Variants in NEK10 observed in about 807,000 individuals in gnomAD.
NEK10 encodes serine/threonine-protein kinase Nek10.
NEK10 carries 122 observed loss-of-function variants against 159.8 expected under a neutral mutation model. That is an observed-to-expected ratio of 0.76 (90% CI 0.66 to 0.89). The LOEUF is 0.89. NEK10 is among the 40% of genes least tolerant of loss of function. The pLI, the probability that NEK10 is intolerant of heterozygous loss-of-function variation, is 0.00. For missense variants in NEK10, 1,342 were observed against 1,323.1 expected (o/e 1.01, Z -0.22); for synonymous variants, 466 against 457.1 (o/e 1.02, Z -0.25).
chr3:27,353,175 G>A (rs145901309), intron 1 of NEK10, among the ~76,000 whole-genome samples: 700 of 152,170 alleles, frequency 4.6e-3, no homozygotes, highest in African/African-American at 0.015. Flanking sequence ...AGAACAATTG[G>A]TTTGCTTTTA....
chr3:27,235,949 C>G (rs757537556), intron 23 of NEK10, among the ~76,000 whole-genome samples: 3 of 152,156 alleles, frequency 2.0e-5, no homozygotes, highest in Non-Finnish European at 2.9e-5. Flanking sequence ...TACATATACA[C>G]CATGGAATAC....
rs2043418422 is a variant in NEK10 at position 27,297,161 on chromosome 3, G to A, written c.1230+18C>T. 6.3e-7 allele frequency: 1 copy of A among 1,580,806 alleles called. No individual in the cohort carries two copies. The highest frequency in any genetic ancestry group is 8.7e-7 in the Non-Finnish European group (1 of 1,149,800). On this transcript the variant is annotated intron_variant, in intron 14 of 35. Coordinates refer to ENST00000691995, the MANE Select transcript of NEK10 (RefSeq NM_001394966.1). ...TGAATGGTTATGGAGACCTGACCTT[G>A]AGAAGGAGTGCTCTCACCTGAACCA...
intron 26 of NEK10, among the ~76,000 whole-genome samples, chr3:27,180,775 C>G (rs1948010227): frequency 6.6e-6 from 1 of 152,026 alleles, no homozygotes; most frequent in Non-Finnish European, 1.5e-5. Context: ...TCACCATTGT[C>G]TTTTGCTTGG....
At chr3:27,228,125 C>T (rs1434087669) in intron 23 of NEK10, among the ~76,000 whole-genome samples, 2 of 152,194 alleles carry the variant, frequency 1.3e-5, no homozygotes, top group East Asian at 3.8e-4. Context: ...TAATCATTAT[C>T]TTGCTACTAA....
intron 13 of NEK10, among the ~76,000 whole-genome samples, chr3:27,298,017 C>T (rs1020284935): frequency 1.3e-5 from 2 of 152,200 alleles, no homozygotes; most frequent in African/African-American, 4.8e-5. Flanking sequence ...ATAAGCAAAA[C>T]TGGAGCTTGG....
chr3:27,257,922 G>C (rs902295656), intron 22 of NEK10, among the ~76,000 whole-genome samples: 1 of 151,508 alleles, frequency 6.6e-6, no homozygotes, highest in African/African-American at 2.4e-5. Context: ...CCAAGTCGCT[G>C]GGACTACAGG....
intron 29 of NEK10, among the ~76,000 whole-genome samples, chr3:27,165,068 C>T (rs557574192): frequency 6.6e-6 from 1 of 152,134 alleles, no homozygotes; most frequent in Non-Finnish European, 1.5e-5. Flanking sequence ...AGAACAATTA[C>T]ACATTCATTC....
chr3:27,158,831 T>C (rs949872111), intron 30 of NEK10, among the ~76,000 whole-genome samples: 4 of 152,212 alleles, frequency 2.6e-5, no homozygotes, highest in African/African-American at 7.2e-5. Context: ...CATAACATTA[T>C]AGTATGTACT....
At chr3:27,181,288 A>G (rs1240833849) in intron 26 of NEK10, among the ~76,000 whole-genome samples, 1 of 152,134 alleles carries the variant, frequency 6.6e-6, no homozygotes, top group East Asian at 1.9e-4. Context: ...CATATGGTAA[A>G]TATAGTTTAT....
intron 22 of NEK10, among the ~76,000 whole-genome samples, chr3:27,261,118 CTTT>C (rs1215118610): frequency 6.6e-6 from 1 of 152,020 alleles, no homozygotes; most frequent in Non-Finnish European, 1.5e-5. Context: ...CTCTTTTCTT[CTTT>C]ATTAGTCTTG....
At chr3:27,359,600 A>T (rs1006099565) in intron 1 of NEK10, among the ~76,000 whole-genome samples, 1 of 152,218 alleles carries the variant, frequency 6.6e-6, no homozygotes, top group African/African-American at 2.4e-5. Flanking sequence ...AAGTAGTTAA[A>T]ATAAGATAAA....
At chr3:27,172,341 A>G (rs1947082757) in intron 28 of NEK10, among the ~76,000 whole-genome samples, 1 of 150,768 alleles carries the variant, frequency 6.6e-6, no homozygotes, top group Admixed American at 6.6e-5. Context: ...CTCAAAAAAA[A>G]AAAAAAAAAA....
At chr3:27,252,226 A>G (rs1261687408) in intron 23 of NEK10, 3 of 503,746 alleles carry the variant, frequency 6.0e-6, no homozygotes, top group Non-Finnish European at 1.2e-5. Context: ...TAGAGGCAAG[A>G]CTATGAAAAA....
rs549861776 is a variant in NEK10 at position 27,234,181 on chromosome 3, C to A, written c.2090+22115G>T. Among the ~76,000 whole-genome samples, 11 of 151,942 alleles carry A rather than the reference C, an allele frequency of 7.2e-5. No individual in the cohort carries two copies. The East Asian group carries it at 2.1e-3, about 29-fold the overall frequency. ...CCAATATTATACTAAATGGGCAAAA[C>A]CTGGAAGCATTTTCCTTGAAAACCA... On this transcript the variant is annotated intron_variant, in intron 23 of 35. Coordinates refer to ENST00000691995, the MANE Select transcript of NEK10 (RefSeq NM_001394966.1).
At chr3:27,172,570 A>T (rs1947110104) in intron 28 of NEK10, among the ~76,000 whole-genome samples, 1 of 152,040 alleles carries the variant, frequency 6.6e-6, no homozygotes, top group South Asian at 2.1e-4. Context: ...GAATGGATAA[A>T]GAAAATGTTT....
chr3:27,191,712 ATTG>A (rs1178092349), intron 26 of NEK10, among the ~76,000 whole-genome samples: 14 of 152,218 alleles, frequency 9.2e-5, no homozygotes, highest in Admixed American at 5.9e-4. Context: ...TTGCAGTCAG[ATTG>A]CTGAAGAAAT....
chr3:27,143,596 A>G (rs1943998364), intron 30 of NEK10: 1 of 529,428 alleles, frequency 1.9e-6, no homozygotes, highest in African/African-American at 1.9e-5. Context: ...CACAATCCCA[A>G]CACATCCTTG....
intron 23 of NEK10, among the ~76,000 whole-genome samples, chr3:27,212,398 G>A (rs981563174): frequency 6.6e-6 from 1 of 152,174 alleles, no homozygotes; most frequent in Non-Finnish European, 1.5e-5. Flanking sequence ...TGTGGCTGAA[G>A]AACAAAAGAA....
intron 5 of NEK10, 75 bp downstream of exon 5, chr3:27,344,197 A>C: frequency 1.4e-6 from 1 of 735,604 alleles, no homozygotes; most frequent in Non-Finnish European, 2.3e-6. Context: ...AGATGTTTCA[A>C]ATCATGTTCT....
Sources: allele counts gnomAD v4.1 joint callset (sites outside exome capture counted in the v4.1 genomes callset), GRCh38; gene constraint gnomAD v4.1.1; transcripts MANE v1.5; gene names NCBI Gene and HGNC (gene_info 2026-07-23, HGNC 2026-07-21).